The following SCFD1 variants were observed in gnomAD, a reference collection of about 807,000 sequenced individuals.
SCFD1 encodes sec1 family domain-containing protein 1.
In SCFD1, 37 loss-of-function variants were observed where a neutral mutation model predicts 103.2. That is an observed-to-expected ratio of 0.36 (90% CI 0.28 to 0.47). The LOEUF (loss-of-function observed/expected upper bound fraction) is 0.47. Ranked by LOEUF, SCFD1 falls within the 20% of genes least tolerant of loss-of-function variation. The pLI is 1.00. For missense variants in SCFD1, 639 were observed against 761.2 expected, an observed-to-expected ratio of 0.84 and a Z score of 1.89; for synonymous variants, 264 against 245.0, an observed-to-expected ratio of 1.08 and a Z score of -0.73.
Position 30,719,392 on chromosome 14 carries a change from T to A in SCFD1, c.1736+15T>A, listed in dbSNP as rs1892497797. The A allele has an allele frequency of 6.3e-7, 1 of 1,597,888 alleles. No individual in the cohort carries two copies. Among genetic ancestry groups the A allele is most frequent in the African/African-American group, 1.3e-5 (1 of 74,182 alleles). On this transcript the variant is annotated intron_variant, in intron 21 of 24. Coordinates refer to ENST00000458591, the MANE Select transcript of SCFD1 (RefSeq NM_016106.4). ...GGCAATGACAGGTAAGCAGCTTTTG[T>A]CTTGTTTAACTTGTGGATTTTTTCC... is the stretch of plus-strand genomic sequence containing the variant.
chr14:30,654,321 TAGGGA>T (rs1886687804), intron 10 of SCFD1, among the ~76,000 whole-genome samples: 1 of 152,228 alleles, frequency 6.6e-6, no homozygotes, highest in Admixed American at 6.5e-5. Context: ...CTCAGGACTC[TAGGGA>T]TTACACTATA....
At chr14:30,700,887 C>T (rs1891034933) in intron 16 of SCFD1, among the ~76,000 whole-genome samples, 1 of 152,112 alleles carries the variant, frequency 6.6e-6, no homozygotes. Context: ...ATTTGCTATG[C>T]TTTTTGAAAG....
intron 17 of SCFD1, among the ~76,000 whole-genome samples, chr14:30,704,166 T>A (rs1267093152): frequency 2.6e-5 from 4 of 151,776 alleles, no homozygotes; most frequent in Non-Finnish European, 5.9e-5. Flanking sequence ...TCTTTCATTG[T>A]TTATACATAT....
chr14:30,642,280 G>A lies in SCFD1; in HGVS notation c.524-1036G>A, dbSNP rs112822422. Among the ~76,000 whole-genome samples the A allele has an allele frequency of 8.8e-3, 1,337 of 152,164 alleles. 23 individuals carry two copies. Among genetic ancestry groups the A allele is most frequent in the African/African-American group, 0.03 (1,243 of 41,520 alleles). On this transcript the variant is annotated intron_variant, in intron 6 of 24. Coordinates refer to ENST00000458591, the MANE Select transcript of SCFD1 (RefSeq NM_016106.4). Reference sequence around the variant, plus strand: ...TTTTTGTATTTTTAGTAGAGACGGGGTTTCACCGTGTTAGCCAGGCTAGTA... The same window carrying A: ...TTTTTGTATTTTTAGTAGAGACGGGATTTCACCGTGTTAGCCAGGCTAGTA...
rs527853060 is a variant in SCFD1 at position 30,671,044 on chromosome 14, T to C, written c.995+649T>C. 4.6e-5 allele frequency among the ~76,000 whole-genome samples: 7 copies of C among 152,272 alleles called. No individual in the cohort carries two copies. The East Asian group carries it at 1.3e-3, about 29-fold the overall frequency. Reference sequence around the variant, plus strand: ...ATTATTCCTCAGAGAAAAAGAATACTGTTCATCAACAATTATGAAAATATG... The same window carrying C: ...ATTATTCCTCAGAGAAAAAGAATACCGTTCATCAACAATTATGAAAATATG... On this transcript the variant is annotated intron_variant, in intron 11 of 24. Transcript: ENST00000458591.
chr14:30,653,277 G>A (rs1465902216), intron 9 of SCFD1, among the ~76,000 whole-genome samples: 2 of 152,096 alleles, frequency 1.3e-5, no homozygotes, highest in Non-Finnish European at 2.9e-5. Flanking sequence ...CTCCAGCCTG[G>A]GTGACATAGC....
intron 23 of SCFD1, among the ~76,000 whole-genome samples, chr14:30,729,869 AT>A (rs113239037): frequency 0.083 from 12,114 of 146,528 alleles, 527 homozygotes; most frequent in African/African-American, 0.11. Context: ...TACGAAAGGC[AT>A]TTTTTTTTTT....
chr14:30,720,422 A>C (rs761552608), intron 21 of SCFD1, among the ~76,000 whole-genome samples: 3 of 152,102 alleles, frequency 2.0e-5, no homozygotes, highest in Non-Finnish European at 4.4e-5. Context: ...TGGATTAGCA[A>C]CTTTTTTCTA....
upstream of SCFD1, chr14:30,622,311 A>C (rs1256535123): frequency 6.3e-6 from 10 of 1,594,084 alleles, no homozygotes; most frequent in African/African-American, 2.7e-5. Flanking sequence ...TCCGCTCCCC[A>C]GCCGGGCAGT....
At chr14:30,651,033 G>A (rs1182641729) in intron 9 of SCFD1, among the ~76,000 whole-genome samples, 1 of 151,884 alleles carries the variant, frequency 6.6e-6, no homozygotes, top group Non-Finnish European at 1.5e-5. Flanking sequence ...AATACTAATA[G>A]CCTAAACTTG....
chr14:30,671,297 T>C (rs961227567), intron 11 of SCFD1, among the ~76,000 whole-genome samples: 2 of 152,120 alleles, frequency 1.3e-5, no homozygotes, highest in Non-Finnish European at 2.9e-5. Flanking sequence ...TCTTTCTCTT[T>C]CTCACTATGG....
At chr14:30,731,483 G>A (rs1046228756) in intron 23 of SCFD1, among the ~76,000 whole-genome samples, 6 of 152,118 alleles carry the variant, frequency 3.9e-5, no homozygotes, top group East Asian at 1.9e-4. Flanking sequence ...CCTATCCATG[G>A]GCATGGAATG....
rs1228130579 is a variant in SCFD1 at position 30,668,357 on chromosome 14, T to A, written c.856-1899T>A. Among the ~76,000 whole-genome samples, 3 of 152,306 alleles carry A rather than the reference T, an allele frequency of 2.0e-5. No individual in the cohort carries two copies. In the East Asian group the frequency reaches 5.8e-4, roughly 29 times the overall value. ...AACTGGCTAGCCATATGTAGAAAGC[T>A]GAAACTGGATCACTTCCTTAAACCT... On this transcript the variant is annotated intron_variant, in intron 10 of 24. Coordinates refer to ENST00000458591, the MANE Select transcript of SCFD1 (RefSeq NM_016106.4).
chr14:30,643,501 C>T, intron 7 of SCFD1, 96 bp downstream of exon 7: 3 of 865,822 alleles, frequency 3.5e-6, no homozygotes, highest in Non-Finnish European at 3.9e-6. Context: ...TCTCACTTAC[C>T]TGGATCTCTA....
chr14:30,666,328 A>G (rs967990676), intron 10 of SCFD1, among the ~76,000 whole-genome samples: 2 of 152,070 alleles, frequency 1.3e-5, no homozygotes, highest in African/African-American at 4.8e-5. Context: ...CGAAGGCAGA[A>G]ATAAAGATGT....
At position 30,676,739 on chromosome 14, in the gene SCFD1, CATTAGAGG is replaced by C. The variant is rs1414938156; in HGVS notation, c.1242+1675_1242+1682del. The C allele has an allele frequency of 5.9e-5, 9 of 152,138 alleles. No homozygotes were observed. The South Asian group carries it at 1.5e-3, about 25-fold the overall frequency. 9.4% of individuals were successfully genotyped at this position (152,138 alleles called of 1,614,324 possible). On this transcript the variant is annotated intron_variant, in intron 14 of 24. Transcript: ENST00000458591. ...AAGTAGAAATTTAAGTATGATAACT[CATTAGAGG>C]TTAATGACATGATCTGATTTATGTT... is the stretch of plus-strand genomic sequence containing the variant.
At chr14:30,726,403 T>C (rs1893045302) in intron 23 of SCFD1, among the ~76,000 whole-genome samples, 1 of 152,204 alleles carries the variant, frequency 6.6e-6, no homozygotes, top group Non-Finnish European at 1.5e-5. Flanking sequence ...CCTTATACAT[T>C]TGCTCATTCA....
intron 10 of SCFD1, among the ~76,000 whole-genome samples, chr14:30,658,781 C>G (rs971312376): frequency 1.3e-5 from 2 of 152,192 alleles, no homozygotes; most frequent in African/African-American, 4.8e-5. Context: ...TGCAATGTAA[C>G]AGGTGCCTAG....
At chr14:30,654,395 T>C (rs750672290) in intron 10 of SCFD1, among the ~76,000 whole-genome samples, 1 of 152,180 alleles carries the variant, frequency 6.6e-6, no homozygotes, top group Non-Finnish European at 1.5e-5. Context: ...GAATGAAAGC[T>C]GAGTGTAGTG....
Sources: gnomAD v4.1 joint callset for allele counts (sites outside exome capture counted in the v4.1 genomes callset) on GRCh38, gnomAD v4.1.1 for gene constraint, MANE v1.5 for transcripts, NCBI Gene and HGNC (gene_info 2026-07-23, HGNC 2026-07-21) for gene names.